GON4L: variants seen among roughly 807,000 people sequenced by gnomAD.
GON4L encodes the protein GON-4-like protein.
GON4L carries 87 observed loss-of-function variants against 211.8 expected under a neutral mutation model. That is an observed-to-expected ratio of 0.41 (90% CI 0.35 to 0.49). The LOEUF (loss-of-function observed/expected upper bound fraction) is 0.49. GON4L is among the 20% of genes least tolerant of loss of function. GON4L has a pLI of 0.15. For missense variants in GON4L, 2,155 were observed against 2,659.5 expected (o/e 0.81, Z 4.17); for synonymous variants, 875 against 962.6 (o/e 0.91, Z 1.68).
rs1662546335 is a variant in GON4L, at chr1:155,766,816, T to C, written c.2764-107A>G. 4.5e-6 allele frequency: 7 copies of C among 1,547,232 alleles called. No individual in the cohort carries two copies. In the East Asian group the frequency reaches 1.6e-4, roughly 35 times the overall value. ...ATCCCAGCACTTTGGGAGGCTGAAG[T>C]GGGCAGATCACTTGAGGTCAGGAGT... On this transcript the variant is annotated intron_variant, in intron 20 of 31. Coordinates refer to ENST00000368331, the MANE Select transcript of GON4L (RefSeq NM_001282860.2).
At chr1:155,763,237 C>G in intron 22 of GON4L, 75 bp downstream of exon 22, 1 of 1,426,390 alleles carries the variant, frequency 7.0e-7, no homozygotes, top group South Asian at 1.2e-5. Flanking sequence ...TTATAAGCTA[C>G]CCACCCTGCA....
intron 29 of GON4L, 49 bp from the exon 30 acceptor site, chr1:155,752,639 C>T: frequency 3.9e-6 from 6 of 1,553,436 alleles, no homozygotes; most frequent in Non-Finnish European, 5.2e-6. Flanking sequence ...TCAAGATGCA[C>T]CTAAGCACGA....
In GON4L at chr1:155,826,906, T is replaced by C. The variant is rs1007352494; in HGVS notation, c.628A>G (p.Lys210Glu). The change falls in exon 3 of 32, where the codon AAG (lysine) becomes GAG (glutamate). Residue 210 changes from lysine (K) to glutamate (E), a missense_variant. Physicochemically the swap from Lys to Glu is moderately conservative, Grantham distance 56 (BLOSUM62 1). Around this residue, in one of 6 missense-constraint regions of GON4L, gnomAD observed 313 missense variants for 293.2 expected, o/e 1.07. Coordinates refer to ENST00000368331, the MANE Select transcript of GON4L (RefSeq NM_001282860.2). ...TGGTGAAACAGAGTCCTGAGTGGCT[T>C]TTCTTGAGGAGAGGCACAAACATCT... ...QPDVCASPQE[K>E]PLRTLFHQPE... is the part of the protein sequence containing the mutation. 2 of 1,613,864 alleles carry C rather than the reference T, an allele frequency of 1.2e-6. No homozygotes were observed. The highest frequency in any genetic ancestry group is 1.7e-6 in the Non-Finnish European group (2 of 1,179,830).
chr1:155,758,074 CA>C (rs1171821294), intron 24 of GON4L, 40 bp from the exon 25 acceptor site: 2 of 236,520 alleles, frequency 8.5e-6, no homozygotes, highest in Non-Finnish European at 1.6e-5. Context: ...AGTCATGATA[CA>C]GCTAGAGCAG....
chr1:155,826,343 T>A (rs1669215550), intron 3 of GON4L, among the ~76,000 whole-genome samples: 2 of 151,848 alleles, frequency 1.3e-5, no homozygotes, highest in South Asian at 4.2e-4. Flanking sequence ...GGTGGGTGGA[T>A]CATCTGAAGT....
intron 2 of GON4L, among the ~76,000 whole-genome samples, chr1:155,838,103 C>A (rs201267426): frequency 6.6e-6 from 1 of 151,364 alleles, no homozygotes; most frequent in East Asian, 2.0e-4. Flanking sequence ...TAAAACAAAA[C>A]AAAAAAAATT....
intron 23 of GON4L, among the ~76,000 whole-genome samples, chr1:155,761,985 G>C (rs1402029048): frequency 2.0e-5 from 3 of 152,190 alleles, no homozygotes; most frequent in Non-Finnish European, 4.4e-5. Context: ...TGATGGCAGG[G>C]TACTAACAAT....
At chr1:155,808,298 C>T (rs546159091) in intron 10 of GON4L, among the ~76,000 whole-genome samples, 3 of 152,224 alleles carry the variant, frequency 2.0e-5, no homozygotes, top group African/African-American at 7.2e-5. Context: ...CTCGGCCTCC[C>T]AAAGTGCTGG....
intron 16 of GON4L, among the ~76,000 whole-genome samples, chr1:155,775,471 T>TTC (rs1553201123): frequency 2.0e-5 from 3 of 148,580 alleles, no homozygotes; most frequent in African/African-American, 2.5e-5. Flanking sequence ...TTTTTTTTTT[T>TTC]CGAGACGGAG....
chr1:155,778,993 G>A (rs1198908068), intron 14 of GON4L, among the ~76,000 whole-genome samples: 3 of 151,682 alleles, frequency 2.0e-5, no homozygotes, highest in African/African-American at 4.8e-5. Context: ...TTGGCCGGAC[G>A]CGGTGGCTCA....
intron 14 of GON4L, among the ~76,000 whole-genome samples, chr1:155,779,401 C>T (rs1571714465): frequency 2.0e-5 from 3 of 151,718 alleles, no homozygotes; most frequent in Admixed American, 2.0e-4. Context: ...ACTGCAACCT[C>T]CGCCTCCCAG....
At chr1:155,753,810 C>T (rs78780255) in intron 28 of GON4L, among the ~76,000 whole-genome samples, 2,352 of 152,120 alleles carry the variant, frequency 0.015, 52 homozygotes, top group African/African-American at 0.054. Context: ...CTCCTGGGCT[C>T]AAGTGATCCT....
chr1:155,848,856 C>T (rs553432307), intron 2 of GON4L, among the ~76,000 whole-genome samples: 2 of 152,210 alleles, frequency 1.3e-5, no homozygotes, highest in African/African-American at 4.8e-5. Flanking sequence ...ACTAAAACTA[C>T]GGAATTGTAG....
At position 155,767,001 on chromosome 1, in the gene GON4L, G is replaced by A. The variant is rs1274954722; in HGVS notation, c.2764-292C>T. The A allele has an allele frequency of 1.5e-5, 8 of 544,734 alleles. 1 individual carries two copies. The highest frequency in any genetic ancestry group is 6.1e-5 in the South Asian group (3 of 49,486). 33.7% of individuals were successfully genotyped at this position (544,734 alleles called of 1,614,324 possible). A position where few individuals can be genotyped will look rare whatever the true frequency, so the allele number is the denominator to read the frequency against. Reference sequence around the variant, plus strand: ...GCAGAGGTTGCGAGAAGCCGAGATCGCACCTTAGCCTGGGTGGACAGAGCA... The same window carrying A: ...GCAGAGGTTGCGAGAAGCCGAGATCACACCTTAGCCTGGGTGGACAGAGCA... On this transcript the variant is annotated intron_variant, in intron 20 of 31. Coordinates refer to ENST00000368331, the MANE Select transcript of GON4L (RefSeq NM_001282860.2).
At chr1:155,753,160 A>G (rs2101620477) in intron 29 of GON4L, 44 bp downstream of exon 29, 1 of 1,432,552 alleles carries the variant, frequency 7.0e-7, no homozygotes, top group Non-Finnish European at 9.8e-7. Context: ...AGTACAGGAT[A>G]ACGAGACTGA....
At chr1:155,779,225 G>T (rs1664150609) in intron 14 of GON4L, among the ~76,000 whole-genome samples, 1 of 136,682 alleles carries the variant, frequency 7.3e-6, no homozygotes. Context: ...CTGCACTCCA[G>T]CCTGGGCGAC....
At chr1:155,808,046 T>A (rs909303105) in intron 10 of GON4L, among the ~76,000 whole-genome samples, 86 of 151,246 alleles carry the variant, frequency 5.7e-4, no homozygotes, top group African/African-American at 1.3e-3. Context: ...TATTTATTTT[T>A]TTTTTTTTTT....
intron 2 of GON4L, among the ~76,000 whole-genome samples, chr1:155,851,182 G>A (rs1178287026): frequency 2.0e-5 from 3 of 149,850 alleles, no homozygotes; most frequent in Non-Finnish European, 4.4e-5. Context: ...GTAAAACCCC[G>A]TCTCTACTAA....
chr1:155,844,358 C>T (rs1041795176), intron 2 of GON4L, among the ~76,000 whole-genome samples: 3 of 152,194 alleles, frequency 2.0e-5, no homozygotes, highest in Admixed American at 6.5e-5. Context: ...ATATTAACAA[C>T]TCTGGACAGG....
Sources: allele counts gnomAD v4.1 joint callset (sites outside exome capture counted in the v4.1 genomes callset), GRCh38; gene constraint gnomAD v4.1.1; regional missense constraint gnomAD v4.1.1; transcripts MANE v1.5; gene names NCBI Gene and HGNC (gene_info 2026-07-23, HGNC 2026-07-21).